GPC5: variants seen among roughly 807,000 people sequenced by gnomAD.
GPC5 encodes the protein glypican-5.
Under a neutral mutation model 53.9 loss-of-function variants are expected in GPC5, and 47 were observed. The observed-to-expected ratio is 0.87, with a 90% CI of 0.69 to 1.11. The LOEUF is 1.11. GPC5 is among the 50% of genes most tolerant of loss of function. The pLI is 0.00. For missense variants in GPC5, 748 were observed against 713.1 expected, an observed-to-expected ratio of 1.05 and a Z score of -0.56; for synonymous variants, 286 against 263.3, an observed-to-expected ratio of 1.09 and a Z score of -0.84.
chr13:92,425,071 T>C (rs182560049), intron 7 of GPC5, among the ~76,000 whole-genome samples: 3 of 152,060 alleles, frequency 2.0e-5, no homozygotes, highest in Admixed American at 1.3e-4. Flanking sequence ...TGTTATTTCA[T>C]GTTTCTAGTT....
chr13:92,517,668 A>G (rs1880849527), intron 7 of GPC5, among the ~76,000 whole-genome samples: 1 of 152,112 alleles, frequency 6.6e-6, no homozygotes, highest in South Asian at 2.1e-4. Flanking sequence ...TCCACACCAA[A>G]ACCCCATCTG....
chr13:91,888,941 A>G (rs186203347), intron 5 of GPC5, among the ~76,000 whole-genome samples: 5 of 152,260 alleles, frequency 3.3e-5, no homozygotes, highest in African/African-American at 1.2e-4. Context: ...GGAAACAAGA[A>G]GGGAGAGAAG....
intron 7 of GPC5, among the ~76,000 whole-genome samples, chr13:92,634,316 G>A (rs1885347884): frequency 6.6e-6 from 1 of 152,040 alleles, no homozygotes; most frequent in African/African-American, 2.4e-5. Context: ...AGTTTGGATA[G>A]GTATTACTCA....
intron 7 of GPC5, among the ~76,000 whole-genome samples, chr13:92,259,024 A>C (rs1215037902): frequency 6.6e-6 from 1 of 152,202 alleles, no homozygotes; most frequent in African/African-American, 2.4e-5. Context: ...TTCATATACC[A>C]TTCAAGGGAG....
chr13:92,305,712 G>T (rs1273717667), intron 7 of GPC5, among the ~76,000 whole-genome samples: 1 of 152,002 alleles, frequency 6.6e-6, no homozygotes, highest in African/African-American at 2.4e-5. Flanking sequence ...AGCACCTATT[G>T]TGTTCAAGAC....
chr13:92,100,400 T>C (rs1344539341), intron 6 of GPC5, among the ~76,000 whole-genome samples: 3 of 152,122 alleles, frequency 2.0e-5, no homozygotes, highest in Admixed American at 6.5e-5. Flanking sequence ...AGACCTCATC[T>C]CAAAAAAATT....
chr13:92,035,214 CAA>C (rs11410459), intron 6 of GPC5, among the ~76,000 whole-genome samples: 6 of 119,826 alleles, frequency 5.0e-5, no homozygotes, highest in Non-Finnish European at 6.7e-5. Context: ...GACTCCGTCT[CAA>C]AAAAAAAAAA....
rs536841097 is a variant in GPC5, at chr13:92,606,811, G to A, written c.1562-259471G>A. Among the ~76,000 whole-genome samples, 132 of 151,888 alleles carry A rather than the reference G, an allele frequency of 8.7e-4. 1 individual carries two copies. Among genetic ancestry groups the A allele is most frequent in the Non-Finnish European group, 1.6e-3 (111 of 67,964 alleles). On this transcript the variant is annotated intron_variant, in intron 7 of 7. Transcript: ENST00000377067. ...GTTTTTTTTCACTTTCCTCAAGAAT[G>A]GTATGACTGCCGTCTTGACCATGAA...
intron 6 of GPC5, among the ~76,000 whole-genome samples, chr13:92,077,415 G>A (rs1317346031): frequency 6.6e-6 from 1 of 152,154 alleles, no homozygotes; most frequent in East Asian, 1.9e-4. Flanking sequence ...TACTTACAGA[G>A]TAGATGACTC....
chr13:91,754,533 AG>A (rs1479902152), intron 4 of GPC5, among the ~76,000 whole-genome samples: 1 of 152,124 alleles, frequency 6.6e-6, no homozygotes, highest in Non-Finnish European at 1.5e-5. Flanking sequence ...TCAATTTAAA[AG>A]TCTCAACATT....
intron 6 of GPC5, among the ~76,000 whole-genome samples, chr13:91,952,792 G>A (rs2040039590): frequency 1.3e-5 from 2 of 152,100 alleles, no homozygotes; most frequent in Non-Finnish European, 2.9e-5. Context: ...TAAATATATG[G>A]AAATAGAGAG....
At chr13:91,504,222 C>G (rs1283204795) in intron 2 of GPC5, among the ~76,000 whole-genome samples, 1 of 151,976 alleles carries the variant, frequency 6.6e-6, no homozygotes, top group Non-Finnish European at 1.5e-5. Context: ...ATCTACCAGA[C>G]AGAATTTTAA....
intron 6 of GPC5, among the ~76,000 whole-genome samples, chr13:91,977,836 G>T (rs997249931): frequency 6.6e-6 from 1 of 151,964 alleles, no homozygotes; most frequent in Non-Finnish European, 1.5e-5. Context: ...TTAGCGCTAG[G>T]TGCAATGGAT....
At chr13:91,539,513 AC>A (rs1379512607) in intron 2 of GPC5, among the ~76,000 whole-genome samples, 1 of 152,204 alleles carries the variant, frequency 6.6e-6, no homozygotes, top group Non-Finnish European at 1.5e-5. Flanking sequence ...AACATTAACA[AC>A]AAAAAGATCT....
chr13:91,878,001 C>G (rs1291137821), intron 5 of GPC5, among the ~76,000 whole-genome samples: 1 of 152,124 alleles, frequency 6.6e-6, no homozygotes, highest in Non-Finnish European at 1.5e-5. Flanking sequence ...TTTCTCTTGC[C>G]ATTGCCATGT....
intron 6 of GPC5, among the ~76,000 whole-genome samples, chr13:91,922,028 A>G (rs770178975): frequency 3.3e-5 from 5 of 152,144 alleles, no homozygotes; most frequent in Non-Finnish European, 7.4e-5. Flanking sequence ...GGGTGAGGAA[A>G]AGGAAAGTAG....
intron 2 of GPC5, among the ~76,000 whole-genome samples, chr13:91,642,982 A>G (rs957530505): frequency 1.3e-5 from 2 of 152,134 alleles, no homozygotes; most frequent in African/African-American, 4.8e-5. Context: ...TTGCCACATA[A>G]GTACGTTGAG....
At chr13:92,188,410 A>G (rs1203144368) in intron 7 of GPC5, among the ~76,000 whole-genome samples, 1 of 152,198 alleles carries the variant, frequency 6.6e-6, no homozygotes, top group Non-Finnish European at 1.5e-5. Context: ...TAAAAATTGC[A>G]TCTTACAAGA....
In GPC5 at chr13:92,431,638, TGAG is replaced by T. The variant is rs1255268938; in HGVS notation, c.1561+286656_1561+286658del. 2.6e-5 allele frequency among the ~76,000 whole-genome samples: 4 copies of T among 151,890 alleles called. No individual in the cohort carries two copies. In the South Asian group the frequency reaches 8.3e-4, roughly 32 times the overall value. On this transcript the variant is annotated intron_variant, in intron 7 of 7. Coordinates refer to ENST00000377067, the MANE Select transcript of GPC5 (RefSeq NM_004466.6). ...TGAGCAAAGACTACAGAGGCCATGG[TGAG>T]GAGGAGAGCTTGTGGGAAAGCCATC... is the stretch of plus-strand genomic sequence containing the variant.
Sources: allele counts gnomAD v4.1 joint callset (sites outside exome capture counted in the v4.1 genomes callset), GRCh38; gene constraint gnomAD v4.1.1; transcripts MANE v1.5; gene names NCBI Gene and HGNC (gene_info 2026-07-23, HGNC 2026-07-21).